ABHD12B: variants seen among roughly 807,000 people sequenced by gnomAD.
ABHD12B encodes the protein abhydrolase domain containing 12B.
In ABHD12B, 42 loss-of-function variants were observed where a neutral mutation model predicts 50.4. That is an observed-to-expected ratio of 0.83 (90% CI 0.65 to 1.08). ABHD12B has a LOEUF of 1.08. ABHD12B is among the 50% of genes least tolerant of loss of function. The pLI, the probability that ABHD12B is intolerant of heterozygous loss-of-function variation, is 0.00. For synonymous variants in ABHD12B, 167 were observed against 160.3 expected, an observed-to-expected ratio of 1.04 and a Z score of -0.32; for missense variants, 479 against 447.7, an observed-to-expected ratio of 1.07 and a Z score of -0.63.
intron 1 of ABHD12B, 87 bp from the exon 2 acceptor site, chr14:50,877,865 C>CCA: frequency 2.7e-6 from 1 of 366,452 alleles, no homozygotes; most frequent in Non-Finnish European, 4.0e-6. Flanking sequence ...AGAACTCTGT[C>CCA]CAAAAAAAAA....
chr14:50,879,153 C>T (rs1427783521), intron 3 of ABHD12B, among the ~76,000 whole-genome samples: 2 of 152,198 alleles, frequency 1.3e-5, no homozygotes, highest in African/African-American at 2.4e-5. Flanking sequence ...ACATGCTCTG[C>T]CTTCAAGGCT....
chr14:50,882,826 C>G (rs184292615), intron 5 of ABHD12B, among the ~76,000 whole-genome samples: 1 of 152,122 alleles, frequency 6.6e-6, no homozygotes, highest in East Asian at 1.9e-4. Context: ...TTAAAATTAG[C>G]TGGATGTGGT....
rs566534033 is a variant in ABHD12B at position 50,872,141 on chromosome 14, G to T, written c.-34G>T. The T allele has an allele frequency of 8.7e-6, 11 of 1,262,948 alleles. No individual in the cohort carries two copies. In the East Asian group the frequency reaches 1.3e-4, roughly 15 times the overall value. 78.2% of individuals were successfully genotyped at this position (1,262,948 alleles called of 1,614,324 possible). A position where few individuals can be genotyped will look rare whatever the true frequency, so the allele number is the denominator to read the frequency against. ...GCGGCTGCTCCGGACTGCAGCTCCC[G>T]CGGCGGTGGCGGCGTATCGGGACAC... On this transcript the variant is annotated 5_prime_UTR_variant, in exon 1 of 13. Transcript: ENST00000337334.
chr14:50,888,910 C>A lies in ABHD12B; in HGVS notation c.780+7C>A. The A allele has an allele frequency of 1.2e-6, 2 of 1,612,828 alleles. No individual in the cohort carries two copies. The highest frequency in any genetic ancestry group is 1.7e-6 in the Non-Finnish European group (2 of 1,178,992). On this transcript the variant is annotated splice_region_variant and intron_variant, in intron 9 of 12. Coordinates refer to ENST00000337334, the MANE Select transcript of ABHD12B (RefSeq NM_001206673.2). Reference sequence around the variant, plus strand: ...CAATTATCCCTTGTTAAAGGTGAGACTCTGATTCATCTTTACAAGGGATCA... The same window carrying A: ...CAATTATCCCTTGTTAAAGGTGAGAATCTGATTCATCTTTACAAGGGATCA...
chr14:50,887,918 G>A (rs1046396222), intron 8 of ABHD12B, among the ~76,000 whole-genome samples: 3 of 152,138 alleles, frequency 2.0e-5, no homozygotes, highest in Non-Finnish European at 2.9e-5. Context: ...GTTTTGTCTC[G>A]TTTCTGATTC....
intron 1 of ABHD12B, among the ~76,000 whole-genome samples, chr14:50,873,096 C>T (rs1055795930): frequency 6.6e-6 from 1 of 152,174 alleles, no homozygotes; most frequent in Non-Finnish European, 1.5e-5. Flanking sequence ...TTCCCTCTTT[C>T]TATTCCTTTT....
At chr14:50,893,437 C>T (rs1379614115) in intron 9 of ABHD12B, 1 of 151,896 alleles carries the variant, frequency 6.6e-6, no homozygotes, top group Admixed American at 6.6e-5. Context: ...CAGAGAACAA[C>T]CCCCTTTGAC....
chr14:50,900,095 G>A (rs1230639031), intron 9 of ABHD12B, among the ~76,000 whole-genome samples: 1 of 151,884 alleles, frequency 6.6e-6, no homozygotes, highest in Admixed American at 6.6e-5. Context: ...AGTTGGGTGT[G>A]GTGGCACACC....
intron 5 of ABHD12B, 87 bp from the exon 6 acceptor site, chr14:50,885,527 T>C: frequency 6.7e-7 from 1 of 1,483,166 alleles, no homozygotes; most frequent in Non-Finnish European, 9.4e-7. Flanking sequence ...GCCCTCCTTG[T>C]GATGTGATAT....
At chr14:50,876,744 A>C (rs1019024298) in intron 1 of ABHD12B, among the ~76,000 whole-genome samples, 2 of 152,232 alleles carry the variant, frequency 1.3e-5, no homozygotes, top group Admixed American at 1.3e-4. Context: ...TTGCAAAGCA[A>C]AGGTAATAAT....
intron 9 of ABHD12B, among the ~76,000 whole-genome samples, chr14:50,898,487 C>T (rs1004329280): frequency 6.6e-6 from 1 of 151,996 alleles, no homozygotes; most frequent in Non-Finnish European, 1.5e-5. Context: ...GGTGGTGTTA[C>T]AGAAGAGAGA....
At chr14:50,903,052 T>A (rs17562484) in intron 10 of ABHD12B, among the ~76,000 whole-genome samples, 3,436 of 152,234 alleles carry the variant, frequency 0.023, 74 homozygotes, top group East Asian at 0.09. Context: ...ATAGGTGGAG[T>A]AAAGAAGAAT....
At chr14:50,898,466 G>A (rs541501708) in intron 9 of ABHD12B, among the ~76,000 whole-genome samples, 1 of 152,264 alleles carries the variant, frequency 6.6e-6, no homozygotes, top group South Asian at 2.1e-4. Context: ...GTATTTTAAG[G>A]ATGTTTATCT....
At position 50,887,277 on chromosome 14, in the gene ABHD12B, A is replaced by T. The variant is rs541712177; in HGVS notation, c.700+593A>T. The stretch of plus-strand genomic sequence containing the variant: ...TTAATTTAAATTACAGGATAAAAAA[A>T]TACTGTATCATTAAATGATACACAG... On this transcript the variant is annotated intron_variant, in intron 8 of 12. Coordinates refer to ENST00000337334, the MANE Select transcript of ABHD12B (RefSeq NM_001206673.2). Among the ~76,000 whole-genome samples the T allele has an allele frequency of 2.6e-3, 390 of 150,722 alleles. 2 individuals carry two copies. The highest frequency in any genetic ancestry group is 8.8e-3 in the African/African-American group (363 of 41,224).
chr14:50,898,843 G>C (rs989443467), intron 9 of ABHD12B, among the ~76,000 whole-genome samples: 28 of 152,192 alleles, frequency 1.8e-4, no homozygotes, highest in African/African-American at 6.8e-4. Flanking sequence ...CCTGAATGCA[G>C]ATCAGTTGCT....
chr14:50,884,549 T>G (rs1241281763), intron 5 of ABHD12B, among the ~76,000 whole-genome samples: 1 of 152,198 alleles, frequency 6.6e-6, no homozygotes, highest in Non-Finnish European at 1.5e-5. Context: ...AATAAGTTAC[T>G]TAAGCTCCAC....
intron 9 of ABHD12B, chr14:50,892,406 T>A: frequency 1.0e-6 from 1 of 985,392 alleles, no homozygotes; most frequent in South Asian, 4.7e-5. Context: ...AGCTTTGGCC[T>A]GATTCAGGCG....
At chr14:50,873,247 G>C (rs776710810) in intron 1 of ABHD12B, among the ~76,000 whole-genome samples, 1 of 151,426 alleles carries the variant, frequency 6.6e-6, no homozygotes, top group Non-Finnish European at 1.5e-5. Flanking sequence ...TTTGAGACAA[G>C]GGTTTCACTC....
chr14:50,882,161 C>T (rs2049961405), intron 5 of ABHD12B, among the ~76,000 whole-genome samples: 2 of 150,918 alleles, frequency 1.3e-5, no homozygotes, highest in South Asian at 2.1e-4. Context: ...GTCTTGAACT[C>T]GTGATCTCAG....
Sources: gnomAD v4.1 joint callset for allele counts (sites outside exome capture counted in the v4.1 genomes callset) on GRCh38, gnomAD v4.1.1 for gene constraint, MANE v1.5 for transcripts, NCBI Gene and HGNC (gene_info 2026-07-23, HGNC 2026-07-21) for gene names.